The following MAD1L1 variants were observed in gnomAD, a reference collection of about 807,000 sequenced individuals.
MAD1L1 encodes mitotic spindle assembly checkpoint protein MAD1.
In MAD1L1, 95 loss-of-function variants were observed where a neutral mutation model predicts 96.9. The observed-to-expected ratio is 0.98, with a 90% confidence interval of 0.83 to 1.16. The LOEUF is 1.16. MAD1L1 is among the 50% of genes most tolerant of loss of function. The probability of loss-of-function intolerance (pLI) is 0.00; values close to 1 mark genes in which losing one functional copy is unlikely to be tolerated. For missense variants in MAD1L1, 1,007 were observed against 954.4 expected (o/e 1.06, Z -0.73); for synonymous variants, 473 against 396.6 (o/e 1.19, Z -2.29).
intron 13 of MAD1L1, 22 bp from the exon 14 acceptor site, chr7:2,002,143 G>C (rs769356029): frequency 6.8e-6 from 11 of 1,611,416 alleles, no homozygotes; most frequent in African/African-American, 1.3e-5. Flanking sequence ...GACAGGATTC[G>C]GCCTGAGACT....
intron 12 of MAD1L1, among the ~76,000 whole-genome samples, chr7:2,039,388 C>T (rs1042272916): frequency 6.6e-6 from 1 of 152,212 alleles, no homozygotes; most frequent in South Asian, 2.1e-4. Flanking sequence ...CCCAGGAATG[C>T]GACTGCTGGT....
chr7:2,161,663 C>G (rs10252861), intron 10 of MAD1L1, among the ~76,000 whole-genome samples: 1 of 151,094 alleles, frequency 6.6e-6, no homozygotes, highest in Admixed American at 6.6e-5. Flanking sequence ...AAGTGAGGAG[C>G]GTCTCTGCCC....
chr7:2,166,873 T>C (rs1438822361), intron 10 of MAD1L1, among the ~76,000 whole-genome samples: 2 of 152,188 alleles, frequency 1.3e-5, no homozygotes, highest in South Asian at 2.1e-4. Context: ...GGGCAGCCCA[T>C]GGGCCTGAGA....
At chr7:1,853,130 A>T (rs547188890) in intron 18 of MAD1L1, among the ~76,000 whole-genome samples, 11 of 152,314 alleles carry the variant, frequency 7.2e-5, no homozygotes, top group Middle Eastern at 6.8e-3. Context: ...ATCTGGGCTG[A>T]GACCCCAAGG....
intron 11 of MAD1L1, among the ~76,000 whole-genome samples, chr7:2,136,850 C>T (rs1251832400): frequency 2.6e-5 from 4 of 152,194 alleles, no homozygotes; most frequent in Admixed American, 6.5e-5. Context: ...GGAAAGGAGC[C>T]GGCAGTGGCC....
intron 14 of MAD1L1, among the ~76,000 whole-genome samples, chr7:1,983,091 T>C (rs930477477): frequency 1.3e-5 from 2 of 151,902 alleles, no homozygotes; most frequent in Non-Finnish European, 1.5e-5. Context: ...TGCGCGTGCA[T>C]GCACACACAC....
At chr7:2,046,279 T>C (rs1322536937) in intron 12 of MAD1L1, among the ~76,000 whole-genome samples, 2 of 152,030 alleles carry the variant, frequency 1.3e-5, no homozygotes, top group Non-Finnish European at 1.5e-5. Context: ...CGCAGGCAAA[T>C]AAGATCGCCT....
At chr7:2,151,452 G>C (rs1016897085) in intron 10 of MAD1L1, among the ~76,000 whole-genome samples, 3 of 152,198 alleles carry the variant, frequency 2.0e-5, no homozygotes, top group African/African-American at 7.2e-5. Context: ...AGAGGCATTT[G>C]GCAGGCAGTA....
chr7:1,881,260 A>T (rs112867543), intron 18 of MAD1L1, among the ~76,000 whole-genome samples: 1 of 152,214 alleles, frequency 6.6e-6, no homozygotes, highest in African/African-American at 2.4e-5. Context: ...TAACCCATTT[A>T]TGCCTAGTGT....
chr7:1,983,734 G>T (rs1247428188), intron 14 of MAD1L1, among the ~76,000 whole-genome samples: 2 of 152,182 alleles, frequency 1.3e-5, no homozygotes, highest in Non-Finnish European at 2.9e-5. Context: ...TTCTCAGCAC[G>T]CCTGAAAGCT....
chr7:2,000,457 G>T (rs1347701022), intron 14 of MAD1L1, among the ~76,000 whole-genome samples: 1 of 152,108 alleles, frequency 6.6e-6, no homozygotes, highest in Admixed American at 6.5e-5. Flanking sequence ...GGCCCACAAG[G>T]TTGGACTACC....
intron 14 of MAD1L1, among the ~76,000 whole-genome samples, chr7:1,986,785 G>A (rs893856683): frequency 2.0e-5 from 3 of 152,166 alleles, no homozygotes. Context: ...AAATGCTGAC[G>A]TGTGCCACAA....
rs79343493 is a variant in MAD1L1 at position 2,185,845 on chromosome 7, C to A, written c.986+27367G>T. Among the ~76,000 whole-genome samples the A allele has an allele frequency of 6.8e-3, 1,031 of 152,318 alleles. 13 individuals carry two copies. The highest frequency in any genetic ancestry group is 0.024 in the African/African-American group (987 of 41,572). On this transcript the variant is annotated intron_variant, in intron 10 of 18. Coordinates refer to ENST00000265854, the MANE Select transcript of MAD1L1 (RefSeq NM_001013836.2). ...CTAAGCCACCGGACTCACCCCCACC[C>A]CCAGCCTACCTGTTCAGGAGGCCCT...
chr7:1,964,306 T>C (rs999091475), intron 15 of MAD1L1, among the ~76,000 whole-genome samples: 1 of 152,202 alleles, frequency 6.6e-6, no homozygotes, highest in Non-Finnish European at 1.5e-5. Flanking sequence ...TTCTGAAGGC[T>C]TGGGAGCAAA....
chr7:2,183,418 TA>T (rs1791298823), intron 10 of MAD1L1, among the ~76,000 whole-genome samples: 1 of 152,114 alleles, frequency 6.6e-6, no homozygotes, highest in African/African-American at 2.4e-5. Context: ...CCCAAAAGAC[TA>T]AGAACAGACA....
intron 10 of MAD1L1, among the ~76,000 whole-genome samples, chr7:2,193,804 A>AG (rs1308176809): frequency 2.0e-5 from 3 of 152,168 alleles, no homozygotes; most frequent in African/African-American, 7.2e-5. Flanking sequence ...AACCACCCTC[A>AG]GGCAAGGCCA....
At position 2,007,328 on chromosome 7, in the gene MAD1L1, C is replaced by A. The variant is rs552286400; in HGVS notation, c.1360-5207G>T. On this transcript the variant is annotated intron_variant, in intron 13 of 18. Coordinates refer to ENST00000265854, the MANE Select transcript of MAD1L1 (RefSeq NM_001013836.2). ...CTGGTGCCGACAGCCTGTGCAGTAA[C>A]GCGTCACTGGACCCCGCGTGTTGCC... is the stretch of plus-strand genomic sequence containing the variant. Among the ~76,000 whole-genome samples the A allele has an allele frequency of 4.1e-3, 628 of 152,324 alleles. 6 individuals are homozygous for A. Among genetic ancestry groups the A allele is most frequent in the African/African-American group, 0.015 (604 of 41,572 alleles).
intron 15 of MAD1L1, among the ~76,000 whole-genome samples, chr7:1,974,135 T>A (rs932465552): frequency 3.3e-5 from 5 of 152,204 alleles, no homozygotes; most frequent in East Asian, 1.9e-4. Flanking sequence ...GAGTCCTGCA[T>A]TGGCGACACA....
chr7:2,038,759 C>T (rs1194197416), intron 12 of MAD1L1, among the ~76,000 whole-genome samples: 2 of 151,972 alleles, frequency 1.3e-5, no homozygotes, highest in East Asian at 1.9e-4. Flanking sequence ...TCAAGTGATC[C>T]GCCCACCTCG....
Sources: allele counts gnomAD v4.1 joint callset (sites outside exome capture counted in the v4.1 genomes callset), GRCh38; gene constraint gnomAD v4.1.1; transcripts MANE v1.5; gene names NCBI Gene and HGNC (gene_info 2026-07-23, HGNC 2026-07-21).